ZNF536: variants seen among roughly 807,000 people sequenced by gnomAD.
The protein encoded by ZNF536 is zinc finger protein 536.
A neutral mutation model predicts 84.5 loss-of-function variants in ZNF536; 13 were observed. The ratio of observed to expected loss-of-function variants is 0.15; its 90% CI spans 0.10 to 0.24. ZNF536 has a LOEUF of 0.24. ZNF536 is among the 10% of genes least tolerant of loss of function. The pLI is 1.00. For synonymous variants in ZNF536, 811 were observed against 742.5 expected, an observed-to-expected ratio of 1.09 and a Z score of -1.50; for missense variants, 1,536 against 1,747.5, an observed-to-expected ratio of 0.88 and a Z score of 2.16.
At chr19:30,666,180 A>G (rs2050311214) in intron 1 of ZNF536, among the ~76,000 whole-genome samples, 1 of 152,144 alleles carries the variant, frequency 6.6e-6, no homozygotes, top group African/African-American at 2.4e-5. Flanking sequence ...ATCACGGCTC[A>G]CCTGGTCTCC....
chr19:30,451,995 G>T (rs1314784202), intron 2 of ZNF536, among the ~76,000 whole-genome samples: 6 of 152,230 alleles, frequency 3.9e-5, no homozygotes, highest in African/African-American at 1.4e-4. Flanking sequence ...CCATTGACTC[G>T]AATGGGAGGT....
At chr19:30,670,915 A>G (rs1429573559) in intron 1 of ZNF536, among the ~76,000 whole-genome samples, 4 of 152,208 alleles carry the variant, frequency 2.6e-5, no homozygotes, top group African/African-American at 4.8e-5. Flanking sequence ...TTCATGGCCA[A>G]GAACATTCTG....
intron 2 of ZNF536, among the ~76,000 whole-genome samples, chr19:30,309,346 G>A (rs970020558): frequency 3.9e-5 from 6 of 152,134 alleles, no homozygotes; most frequent in Admixed American, 6.5e-5. Flanking sequence ...GTGTGGACTC[G>A]CTTCTATGTC....
At chr19:30,371,223 T>G (rs1236915200), upstream of ZNF536, among the ~76,000 whole-genome samples, 4 of 152,214 alleles carry the variant, frequency 2.6e-5, no homozygotes, top group Non-Finnish European at 5.9e-5. Context: ...TTTTTAAATA[T>G]TAACGCTGTA....
chr19:30,336,617 G>A (rs150507119), intron 2 of ZNF536, among the ~76,000 whole-genome samples: 7 of 152,230 alleles, frequency 4.6e-5, no homozygotes, highest in African/African-American at 1.7e-4. Flanking sequence ...TGCCTGGAAG[G>A]TAGGTGAGAT....
At chr19:30,351,892 T>A (rs1192242670) in intron 2 of ZNF536, among the ~76,000 whole-genome samples, 1 of 152,212 alleles carries the variant, frequency 6.6e-6, no homozygotes, top group Non-Finnish European at 1.5e-5. Context: ...GGGTCTGGAT[T>A]GCAAAGGGGA....
At chr19:30,415,280 T>TCCC (rs1450118565) in intron 1 of ZNF536, among the ~76,000 whole-genome samples, 16 of 101,070 alleles carry the variant, frequency 1.6e-4, no homozygotes, top group Non-Finnish European at 6.3e-5. Flanking sequence ...CTGCTCCTCC[T>TCCC]CCTCCTTCTT....
intron 3 of ZNF536, among the ~76,000 whole-genome samples, chr19:30,363,650 G>T (rs1022022639): frequency 3.3e-4 from 50 of 152,100 alleles, no homozygotes; most frequent in African/African-American, 6.5e-4. Context: ...AGGCGAGATG[G>T]AGAGATCAGT....
At chr19:30,682,460 G>A (rs1460437661) in intron 1 of ZNF536, among the ~76,000 whole-genome samples, 1 of 152,184 alleles carries the variant, frequency 6.6e-6, no homozygotes, top group Non-Finnish European at 1.5e-5. Context: ...CAGCCGCATC[G>A]AGATTCTTGG....
intron 1 of ZNF536, among the ~76,000 whole-genome samples, chr19:30,268,706 T>C (rs1232817301): frequency 6.6e-6 from 1 of 152,176 alleles, no homozygotes; most frequent in Non-Finnish European, 1.5e-5. Context: ...GTACTTCCCA[T>C]GATTAGAGTA....
intron 1 of ZNF536, among the ~76,000 whole-genome samples, chr19:30,376,658 G>C (rs2048829933): frequency 6.6e-6 from 1 of 152,184 alleles, no homozygotes. Flanking sequence ...GCCTTTGCAT[G>C]GGTTGTTTCC....
chr19:30,377,457 G>A (rs2048860671), intron 1 of ZNF536, among the ~76,000 whole-genome samples: 2 of 152,130 alleles, frequency 1.3e-5, no homozygotes, highest in South Asian at 4.1e-4. Flanking sequence ...AGAATTCAGG[G>A]CGAGTCCGCA....
At chr19:30,534,734 A>G in intron 2 of ZNF536, 113 bp from the exon 3 acceptor site, 1 of 1,083,774 alleles carries the variant, frequency 9.2e-7, no homozygotes, top group African/African-American at 1.6e-5. Flanking sequence ...TAAAGAATGA[A>G]ATAGACAGGT....
At chr19:30,442,792 T>C (rs1351325038) in intron 1 of ZNF536, among the ~76,000 whole-genome samples, 1 of 152,264 alleles carries the variant, frequency 6.6e-6, no homozygotes, top group East Asian at 1.9e-4. Context: ...CCTTAAAATT[T>C]AATATACCTC....
intron 2 of ZNF536, among the ~76,000 whole-genome samples, chr19:30,311,679 CTTAG>C (rs1171686914): frequency 6.6e-6 from 1 of 152,130 alleles, no homozygotes; most frequent in Non-Finnish European, 1.5e-5. Context: ...ACCTGCCCAA[CTTAG>C]TTAGCCTAGT....
At chr19:30,685,643 C>G (rs527905868) in intron 1 of ZNF536, among the ~76,000 whole-genome samples, 4 of 152,310 alleles carry the variant, frequency 2.6e-5, no homozygotes, top group African/African-American at 9.6e-5. Context: ...CTCTGGACCT[C>G]TGGCTTCAAT....
At chr19:30,427,415 A>C (rs1166920242) in intron 1 of ZNF536, among the ~76,000 whole-genome samples, 1 of 152,190 alleles carries the variant, frequency 6.6e-6, no homozygotes, top group African/African-American at 2.4e-5. Flanking sequence ...GCCCTCAGGA[A>C]AAACAATGAT....
chr19:30,486,395 T>G (rs2054302819), intron 2 of ZNF536, among the ~76,000 whole-genome samples: 1 of 152,202 alleles, frequency 6.6e-6, no homozygotes, highest in South Asian at 2.1e-4. Flanking sequence ...GGTAATGGCA[T>G]CCAGCTCCAT....
rs73018894 is a variant in ZNF536 at position 30,335,392 on chromosome 19, C to A, written c.-119-16976C>A. 8.0e-3 allele frequency among the ~76,000 whole-genome samples: 1,211 copies of A among 152,318 alleles called. 11 individuals are homozygous for A. Among genetic ancestry groups the A allele is most frequent in the Non-Finnish European group, 0.014 (976 of 68,024 alleles). The stretch of plus-strand genomic sequence containing the variant: ...CTGCCACTGCCACCACAGCCACCCC[C>A]AGCCTGGTACACATCCCATCCTGTC... On this transcript the variant is annotated intron_variant, in intron 2 of 5. Coordinates refer to the ZNF536 transcript ENST00000585628.
Sources: gnomAD v4.1 joint callset for allele counts (sites outside exome capture counted in the v4.1 genomes callset) on GRCh38, gnomAD v4.1.1 for gene constraint, MANE v1.5 for transcripts, NCBI Gene and HGNC (gene_info 2026-07-23, HGNC 2026-07-21) for gene names.